PPARA: variants seen among roughly 807,000 people sequenced by gnomAD.
PPARA encodes peroxisome proliferator activated receptor alpha.
A neutral mutation model predicts 42.2 loss-of-function variants in PPARA; 22 were observed. The observed-to-expected ratio is 0.52, with a 90% confidence interval of 0.37 to 0.74. The LOEUF (loss-of-function observed/expected upper bound fraction) is 0.74. PPARA is among the 30% of genes least tolerant of loss of function. The pLI, the probability that PPARA is intolerant of heterozygous loss-of-function variation, is 0.00. For synonymous variants in PPARA, 242 were observed against 239.3 expected, an observed-to-expected ratio of 1.01 and a Z score of -0.10; for missense variants, 465 against 608.2, an observed-to-expected ratio of 0.76 and a Z score of 2.48.
chr22:46,162,840 G>A lies in PPARA; in HGVS notation c.-127+10870G>A, dbSNP rs1296270562. Among the ~76,000 whole-genome samples the A allele has an allele frequency of 1.3e-5, 2 of 152,226 alleles. No individual in the cohort carries two copies. The highest frequency in any genetic ancestry group is 2.9e-5 in the Non-Finnish European group (2 of 68,036). ...CCTTCAGATAACCTATGGCATTTGA[G>A]TCACTCTGATTTGATGAATTCTGCC... On this transcript the variant is annotated intron_variant, in intron 2 of 8. Transcript: ENST00000407236. The surrounding 1 kb of genome is among the most constrained non-coding windows in gnomAD (Gnocchi z 6.0).
chr22:46,154,848 A>AT (rs1925016403), intron 2 of PPARA: 2 of 150,630 alleles, frequency 1.3e-5, no homozygotes, highest in South Asian at 2.1e-4. Context: ...TCATTTTTGT[A>AT]TTTTTTGCAG....
Position 46,227,008 on chromosome 22 carries a change from C to T in PPARA, c.712-4784C>T, listed in dbSNP as rs1348913019. Among the ~76,000 whole-genome samples the T allele has an allele frequency of 1.3e-5, 2 of 151,942 alleles. No homozygotes were observed. Among genetic ancestry groups the T allele is most frequent in the African/African-American group, 4.8e-5 (2 of 41,294 alleles). ...TCAGAAGCCTGGGCATAAGGGTGAC[C>T]TCCAGGGTGCCGTGTTATAACAGGA... On this transcript the variant is annotated intron_variant, in intron 7 of 8. Transcript: ENST00000407236. This position sits in a 1 kb window ranked among gnomAD's most constrained non-coding sequence, Gnocchi z 4.3.
At chr22:46,206,263 G>T (rs1184924934) in intron 4 of PPARA, among the ~76,000 whole-genome samples, 1 of 139,270 alleles carries the variant, frequency 7.2e-6, no homozygotes, top group African/African-American at 3.1e-5. Flanking sequence ...CACCACGCCC[G>T]GCTAATTTGT....
chr22:46,229,064 G>A (rs1195076146), intron 7 of PPARA, among the ~76,000 whole-genome samples: 1 of 150,638 alleles, frequency 6.6e-6, no homozygotes, highest in East Asian at 2.0e-4. Flanking sequence ...CCAAGATCAC[G>A]CCACTGCACT....
chr22:46,234,985 T>C lies in PPARA; in HGVS notation c.1160-148T>C. On this transcript the variant is annotated intron_variant, in intron 8 of 8. Transcript: ENST00000407236. The surrounding 1 kb of genome is among the most constrained non-coding windows in gnomAD (Gnocchi z 5.8). ...TTGACTTTGGAAAAACCTATGTCTA[T>C]CTTCCAGTCAAGTTGACAATATCTA... 3 of 1,092,104 alleles carry C rather than the reference T, an allele frequency of 2.7e-6. No homozygotes were observed. In the South Asian group the frequency reaches 4.0e-5, roughly 15 times the overall value. The allele number at this position is 1,092,104 out of a possible 1,614,324, so 67.7% of individuals were successfully genotyped here. A position where few individuals can be genotyped will look rare whatever the true frequency, so the allele number is the denominator to read the frequency against.
Position 46,219,576 on chromosome 22 carries a change from G to C in PPARA, c.509-236G>C, listed in dbSNP as rs1014445765. Among the ~76,000 whole-genome samples the C allele has an allele frequency of 1.3e-5, 2 of 152,112 alleles. No individual in the cohort carries two copies. Among genetic ancestry groups the C allele is most frequent in the African/African-American group, 4.8e-5 (2 of 41,418 alleles). On this transcript the variant is annotated intron_variant, in intron 6 of 8. Coordinates refer to ENST00000407236, the MANE Select transcript of PPARA (RefSeq NM_005036.6). The surrounding 1 kb of genome is among the most constrained non-coding windows in gnomAD (Gnocchi z 4.8). The stretch of plus-strand genomic sequence containing the variant: ...CGAACGATGGTGTCACCTTCAGCCT[G>C]CACCTGTTAACGATGGTGTCACCTT...
rs996814874 is a variant in PPARA, at chr22:46,184,633, T to G, written c.-43+7797T>G. 1.3e-5 allele frequency among the ~76,000 whole-genome samples: 2 copies of G among 152,164 alleles called. No individual in the cohort carries two copies. Among genetic ancestry groups the G allele is most frequent in the South Asian group, 2.1e-4 (1 of 4,834 alleles). On this transcript the variant is annotated intron_variant, in intron 3 of 8. Coordinates refer to ENST00000407236, the MANE Select transcript of PPARA (RefSeq NM_005036.6). The surrounding 1 kb of genome is among the most constrained non-coding windows in gnomAD (Gnocchi z 4.4). ...ATCCCAGCAATTTGGGAGGCCGAGA[T>G]TACCTGAGGTCGGAAGTTCAAGACC...
rs1036641376 is a variant in PPARA at position 46,222,790 on chromosome 22, G to A, written c.711+2776G>A. The stretch of plus-strand genomic sequence containing the variant: ...TCCCAGCACTTTGGGAGGCTGAGGC[G>A]GGAGGATCACTTGAGGCAATCCAAG... On this transcript the variant is annotated intron_variant, in intron 7 of 8. Transcript: ENST00000407236. This position sits in a 1 kb window ranked among gnomAD's most constrained non-coding sequence, Gnocchi z 5.9. Among the ~76,000 whole-genome samples, 7 of 151,872 alleles carry A rather than the reference G, an allele frequency of 4.6e-5. No individual in the cohort carries two copies. Among genetic ancestry groups the A allele is most frequent in the Admixed American group, 2.0e-4 (3 of 15,240 alleles).
Position 46,165,667 on chromosome 22 carries a change from G to A in PPARA, c.-126-11086G>A, listed in dbSNP as rs9627046. 0.21 allele frequency among the ~76,000 whole-genome samples: 31,668 copies of A among 152,152 alleles called. 4,612 individuals are homozygous for A. The highest frequency in any genetic ancestry group is 0.42 in the African/African-American group (17,435 of 41,498). ...GACCTGGAAACGGATCAGCGTAATC[G>A]AGGACTGAAGTCCAGTTCTAGCTAC... is the stretch of plus-strand genomic sequence containing the variant. On this transcript the variant is annotated intron_variant, in intron 2 of 8. Transcript: ENST00000407236. This position sits in a 1 kb window ranked among gnomAD's most constrained non-coding sequence, Gnocchi z 5.5.
intron 4 of PPARA, among the ~76,000 whole-genome samples, chr22:46,214,136 G>A (rs370729227): frequency 6.6e-6 from 1 of 152,172 alleles, no homozygotes; most frequent in Non-Finnish European, 1.5e-5. Context: ...TAACAATTGC[G>A]GAAGAACTGG....
rs1179364964 is a variant in PPARA at position 46,215,389 on chromosome 22, A to C, written c.369+56A>C. The C allele has an allele frequency of 3.1e-6, 5 of 1,603,818 alleles. No homozygotes were observed. In the African/African-American group the frequency reaches 6.7e-5, roughly 21 times the overall value. ...CCGCCACCATCAACTACTTATGGTC[A>C]CTTTTATAGCAAATGGCAGTCATTA... is the stretch of plus-strand genomic sequence containing the variant. On this transcript the variant is annotated intron_variant, in intron 5 of 8. Transcript: ENST00000407236.
chr22:46,185,894 CCAA>C lies in PPARA; in HGVS notation c.-43+9059_-43+9061del, dbSNP rs1463535829. Among the ~76,000 whole-genome samples, 19 of 20,858 alleles carry C rather than the reference CCAA, an allele frequency of 9.1e-4. 1 individual carries two copies. Among genetic ancestry groups the C allele is most frequent in the African/African-American group, 4.4e-3 (16 of 3,670 alleles). 13.7% of individuals were successfully genotyped at this position (20,858 alleles called of 152,430 possible). ...TGGGTGACAAAGTGAGACTCCGTCT[CCAA>C]AAAAAAAAAAAAAAAAAAAATATAT... On this transcript the variant is annotated intron_variant, in intron 3 of 8. Coordinates refer to ENST00000407236, the MANE Select transcript of PPARA (RefSeq NM_005036.6).
rs1331252727 is a variant in PPARA at position 46,180,472 on chromosome 22, G to A, written c.-43+3636G>A. Reference sequence around the variant, plus strand: ...AACATTAATCTTATCTAGCCTCCATGTATTTTGTAAGTTCTGTAAATTCCT... The same window carrying A: ...AACATTAATCTTATCTAGCCTCCATATATTTTGTAAGTTCTGTAAATTCCT... On this transcript the variant is annotated intron_variant, in intron 3 of 8. Transcript: ENST00000407236. This position sits in a 1 kb window ranked among gnomAD's most constrained non-coding sequence, Gnocchi z 4.2. Among the ~76,000 whole-genome samples the A allele has an allele frequency of 6.6e-6, 1 of 152,170 alleles. No homozygotes were observed. Among genetic ancestry groups the A allele is most frequent in the Non-Finnish European group, 1.5e-5 (1 of 68,030 alleles).
intron 4 of PPARA, among the ~76,000 whole-genome samples, chr22:46,214,734 A>ATG (rs1288606072): frequency 7.0e-6 from 1 of 142,644 alleles, no homozygotes; most frequent in Admixed American, 7.0e-5. Flanking sequence ...AAATCTGAAG[A>ATG]TGTGTGGATG....
Position 46,191,645 on chromosome 22 carries a change from C to T in PPARA, c.-42-6697C>T, listed in dbSNP as rs530984120. Among the ~76,000 whole-genome samples the T allele has an allele frequency of 1.2e-3, 183 of 152,248 alleles. No homozygotes were observed. The highest frequency in any genetic ancestry group is 4.2e-3 in the African/African-American group (174 of 41,550). ...TAGTCTTCGGACACACTGTGTGTGC[C>T]GCTTTGCCCTCTGGGTGACAGCAGG... is the stretch of plus-strand genomic sequence containing the variant. On this transcript the variant is annotated intron_variant, in intron 3 of 8. Coordinates refer to ENST00000407236, the MANE Select transcript of PPARA (RefSeq NM_005036.6). The surrounding 1 kb of genome is among the most constrained non-coding windows in gnomAD (Gnocchi z 4.6).
At chr22:46,172,074 GAT>G (rs1336165057) in intron 2 of PPARA, among the ~76,000 whole-genome samples, 1 of 152,104 alleles carries the variant, frequency 6.6e-6, no homozygotes, top group Non-Finnish European at 1.5e-5. Context: ...CGCCTTGGGT[GAT>G]ACCTGTCCCT....
chr22:46,170,845 TG>T (rs1927912211), intron 2 of PPARA, among the ~76,000 whole-genome samples: 1 of 151,648 alleles, frequency 6.6e-6, no homozygotes, highest in African/African-American at 2.4e-5. Flanking sequence ...GATGCATTCC[TG>T]GCAGAAAGAA....
In PPARA at chr22:46,195,287, T is replaced by C. The variant is rs1469744529; in HGVS notation, c.-42-3055T>C. Reference sequence around the variant, plus strand: ...CAACTTTTGAACTTTTTGTTCATAGTGAAAAATATTTTAAGTAATGCTTAC... The same window carrying C: ...CAACTTTTGAACTTTTTGTTCATAGCGAAAAATATTTTAAGTAATGCTTAC... On this transcript the variant is annotated intron_variant, in intron 3 of 8. Coordinates refer to ENST00000407236, the MANE Select transcript of PPARA (RefSeq NM_005036.6). The surrounding 1 kb of genome is among the most constrained non-coding windows in gnomAD (Gnocchi z 4.6). Among the ~76,000 whole-genome samples the C allele has an allele frequency of 1.3e-5, 2 of 152,198 alleles. No homozygotes were observed. Among genetic ancestry groups the C allele is most frequent in the African/African-American group, 2.4e-5 (1 of 41,432 alleles).
At position 46,216,511 on chromosome 22, in the gene PPARA, T is replaced by C. The variant is rs1196818102; in HGVS notation, c.369+1178T>C. ...TGAAGGCCAGGTGGGGCAGGTGTTC[T>C]CATGCTCCTGCCAGGGAAATTGGCC... On this transcript the variant is annotated intron_variant, in intron 5 of 8. Transcript: ENST00000407236. This position sits in a 1 kb window ranked among gnomAD's most constrained non-coding sequence, Gnocchi z 4.5. Among the ~76,000 whole-genome samples, 1 of 152,192 alleles carries C rather than the reference T, an allele frequency of 6.6e-6. No homozygotes were observed. Among genetic ancestry groups the C allele is most frequent in the Admixed American group, 6.5e-5 (1 of 15,276 alleles).
Sources: gnomAD v4.1 joint callset for allele counts (sites outside exome capture counted in the v4.1 genomes callset) on GRCh38, gnomAD v4.1.1 for gene constraint, Gnocchi (gnomAD v3.1) non-coding constraint, MANE v1.5 for transcripts, NCBI Gene and HGNC (gene_info 2026-07-23, HGNC 2026-07-21) for gene names.